The following FAM193A variants were observed in gnomAD, a reference collection of about 807,000 sequenced individuals.
FAM193A encodes family with sequence similarity 193 member A, also known as protein FAM193A.
A neutral mutation model predicts 126.5 loss-of-function variants in FAM193A; 22 were observed. The observed-to-expected ratio is 0.17, with a 90% CI of 0.12 to 0.25. The LOEUF (loss-of-function observed/expected upper bound fraction) is 0.25. Among genes scored for constraint, FAM193A ranks in the 10% least tolerant of loss-of-function variants. The probability of loss-of-function intolerance (pLI) is 1.00; values close to 1 mark genes in which losing one functional copy is unlikely to be tolerated. For synonymous variants in FAM193A, 761 were observed against 646.8 expected (o/e 1.18, Z -2.68); for missense variants, 1,675 against 1,672.8 (o/e 1.00, Z -0.02).
chr4:2,704,454 A>T (rs896155904), intron 19 of FAM193A, among the ~76,000 whole-genome samples: 1 of 152,034 alleles, frequency 6.6e-6, no homozygotes, highest in Non-Finnish European at 1.5e-5. Flanking sequence ...AGTCTCAGCT[A>T]CTGGAGACAC....
At chr4:2,671,640 T>G (rs1021417217) in intron 12 of FAM193A, among the ~76,000 whole-genome samples, 1 of 152,214 alleles carries the variant, frequency 6.6e-6, no homozygotes. Context: ...CTTTGACAAT[T>G]GTGTTCAGTT....
rs1019751913 is a variant in FAM193A, at chr4:2,639,777, C to T, written c.1081C>T (p.His361Tyr). ...LKKFQVTWELHNKHLFENLVF... is the reference protein window; with the variant it reads ...LKKFQVTWELYNKHLFENLVF... ...AAAGTTCCAAGTGACGTGGGAACTGCATAATAAACACCTGTTTGAAAATCT... is the reference window on the plus strand; with the variant it reads ...AAAGTTCCAAGTGACGTGGGAACTGTATAATAAACACCTGTTTGAAAATCT... The change falls in exon 6 of 21, where the codon CAT becomes TAT. Residue 361 changes from histidine (H) to tyrosine (Y), a missense_variant. Coordinates refer to ENST00000637812, the MANE Select transcript of FAM193A (RefSeq NM_001366318.2). 9 of 1,613,402 alleles carry T rather than the reference C, an allele frequency of 5.6e-6. 1 individual carries two copies. The African/African-American group carries it at 1.2e-4, about 22-fold the overall frequency.
At chr4:2,640,972 A>G (rs540548203) in intron 6 of FAM193A, among the ~76,000 whole-genome samples, 1 of 152,130 alleles carries the variant, frequency 6.6e-6, no homozygotes, top group South Asian at 2.1e-4. Flanking sequence ...CTCGGGGGAA[A>G]AAAAGTCGTT....
chr4:2,547,588 A>ATGTG (rs368862235), intron 1 of FAM193A, among the ~76,000 whole-genome samples: 1 of 147,188 alleles, frequency 6.8e-6, no homozygotes, highest in Non-Finnish European at 1.5e-5. Flanking sequence ...TGACCTTAGT[A>ATGTG]TGTGTGTGTG....
chr4:2,716,214 A>C (rs1303450525), intron 20 of FAM193A, 110 bp downstream of exon 20: 1 of 768,368 alleles, frequency 1.3e-6, no homozygotes, highest in Non-Finnish European at 2.3e-6. Context: ...AGTTACATCA[A>C]GCAAGCCAGA....
chr4:2,693,848 C>T lies in FAM193A; in HGVS notation c.3066C>T (p.Ser1022=), dbSNP rs565030304. Residue 1022 remains serine, a synonymous_variant, in exon 16 of 21, where the codon TCC becomes TCT. Transcript: ENST00000637812. Reference sequence around the variant, plus strand: ...CCCTACCCCCGGCCACAGATGGCTCCATTAGCGCCCCTCCAAGTGTCTGCA... The same window carrying T: ...CCCTACCCCCGGCCACAGATGGCTCTATTAGCGCCCCTCCAAGTGTCTGCA... ...PAPLPPATDG[S]ISAPPSVCSD... 6.2e-7 allele frequency: 1 copy of T among 1,614,006 alleles called. No homozygotes were observed. The highest frequency in any genetic ancestry group is 8.5e-7 in the Non-Finnish European group (1 of 1,179,976).
intron 12 of FAM193A, among the ~76,000 whole-genome samples, chr4:2,668,326 G>A (rs1713376215): frequency 6.6e-6 from 1 of 150,808 alleles, no homozygotes; most frequent in Admixed American, 6.6e-5. Flanking sequence ...TGATTCTCCT[G>A]CCTCAGCCTC....
At chr4:2,629,579 A>T (rs181023652) in intron 4 of FAM193A, among the ~76,000 whole-genome samples, 1 of 152,356 alleles carries the variant, frequency 6.6e-6, no homozygotes. Flanking sequence ...AGAACAGGTG[A>T]CAACTTTCTT....
intron 5 of FAM193A, among the ~76,000 whole-genome samples, chr4:2,634,549 A>G (rs1743909800): frequency 6.6e-6 from 1 of 152,256 alleles, no homozygotes; most frequent in Admixed American, 6.5e-5. Context: ...AACTGTGCTT[A>G]AAGAAGCTTT....
chr4:2,563,764 T>G (rs1485117766), intron 1 of FAM193A, among the ~76,000 whole-genome samples: 1 of 152,238 alleles, frequency 6.6e-6, no homozygotes, highest in Non-Finnish European at 1.5e-5. Context: ...ACATCCACTT[T>G]TATTAATGAC....
chr4:2,719,431 AAT>A (rs1719875508), intron 20 of FAM193A, among the ~76,000 whole-genome samples: 1 of 152,326 alleles, frequency 6.6e-6, no homozygotes, highest in South Asian at 2.1e-4. Context: ...CAGGAACGCA[AAT>A]AGTGTTTCAT....
chr4:2,648,086 G>A (rs1745324313), intron 7 of FAM193A, among the ~76,000 whole-genome samples: 1 of 152,034 alleles, frequency 6.6e-6, no homozygotes, highest in South Asian at 2.1e-4. Flanking sequence ...AGCTACAAAT[G>A]GTCTGTTGTT....
At chr4:2,594,341 G>C (rs1468600017) in intron 1 of FAM193A, among the ~76,000 whole-genome samples, 1 of 152,198 alleles carries the variant, frequency 6.6e-6, no homozygotes, top group African/African-American at 2.4e-5. Flanking sequence ...TTGAATACCG[G>C]TGGTGGGATG....
chr4:2,696,624 C>T (rs748121211), intron 18 of FAM193A, 31 bp downstream of exon 18: 1 of 1,578,922 alleles, frequency 6.3e-7, no homozygotes, highest in Non-Finnish European at 8.7e-7. Flanking sequence ...CCTGGAGGCG[C>T]CAGGTCTGAG....
chr4:2,715,072 A>G (rs936563425), intron 19 of FAM193A, among the ~76,000 whole-genome samples: 4 of 152,236 alleles, frequency 2.6e-5, no homozygotes, highest in Non-Finnish European at 5.9e-5. Context: ...AAATTGAGTA[A>G]TTCTCAATCA....
At chr4:2,580,721 C>G (rs1051171131) in intron 1 of FAM193A, among the ~76,000 whole-genome samples, 22 of 152,234 alleles carry the variant, frequency 1.4e-4, no homozygotes, top group African/African-American at 5.3e-4. Context: ...CCTTCTTTGC[C>G]TTTTGCCATG....
intron 20 of FAM193A, 47 bp downstream of exon 20, chr4:2,716,151 C>A: frequency 8.0e-7 from 1 of 1,248,018 alleles, no homozygotes; most frequent in South Asian, 1.2e-5. Context: ...GTGTGCTTGC[C>A]ATACATGTTT....
At chr4:2,607,798 T>G in intron 2 of FAM193A, 2 of 527,822 alleles carry the variant, frequency 3.8e-6, no homozygotes, top group Non-Finnish European at 6.6e-6. Context: ...CACAGCTCTG[T>G]TGGGTTGTCT....
chr4:2,622,257 CAAAAAAAAAAAAAAAA>C, intron 2 of FAM193A, among the ~76,000 whole-genome samples: 1 of 55,570 alleles, frequency 1.8e-5, no homozygotes. Context: ...ACCCTGTCTC[CAAAAAAAAAAAAAAAA>C]AAAAAAAAAA....
Sources: gnomAD v4.1 joint callset for allele counts (sites outside exome capture counted in the v4.1 genomes callset) on GRCh38, gnomAD v4.1.1 for gene constraint, MANE v1.5 for transcripts, NCBI Gene and HGNC (gene_info 2026-07-23, HGNC 2026-07-21) for gene names.